Variants in VPS41 observed in about 807,000 individuals in gnomAD.
VPS41 encodes VPS41 subunit of HOPS complex, also known as vacuolar protein sorting-associated protein 41 homolog.
In VPS41, 85 loss-of-function variants were observed where a neutral mutation model predicts 130.9. The ratio of observed to expected loss-of-function variants is 0.65; its 90% confidence interval spans 0.55 to 0.78. The LOEUF (loss-of-function observed/expected upper bound fraction) is 0.78, where lower values mean the gene tolerates loss of function less well. VPS41 is among the 30% of genes least tolerant of loss of function. VPS41 has a pLI of 0.00. For missense variants in VPS41, 874 were observed against 1,018.7 expected, an observed-to-expected ratio of 0.86 and a Z score of 1.93; for synonymous variants, 335 against 332.9, an observed-to-expected ratio of 1.01 and a Z score of -0.07.
intron 4 of VPS41, among the ~76,000 whole-genome samples, chr7:38,853,997 T>C (rs1785924777): frequency 6.6e-6 from 1 of 152,210 alleles, no homozygotes; most frequent in Admixed American, 6.5e-5. Flanking sequence ...CTATAAATAC[T>C]TAACCCACAA....
chr7:38,763,308 C>T, intron 17 of VPS41, 147 bp downstream of exon 17: 1 of 471,712 alleles, frequency 2.1e-6, no homozygotes, highest in Non-Finnish European at 3.7e-6. Context: ...ATGAGTTATA[C>T]TGGAGTTTCT....
At position 38,756,969 on chromosome 7, in the gene VPS41, T is replaced by C; in HGVS notation, c.1564A>G (p.Lys522Glu). ...KTLAELYTYDKNYGNALEIYL... is the reference protein window; with the variant it reads ...KTLAELYTYDENYGNALEIYL... ...ATTTCCAGAGCATTGCCATAGTTCT[T>C]GTCATAGGTGTACCTGGTAATACAA... is the stretch of plus-strand genomic sequence containing the variant. Residue 522 changes from lysine (K) to glutamate (E), a missense_variant, in exon 19 of 29, where the codon AAG (lysine) becomes GAG (glutamate). By Grantham distance (56) the Lys-to-Glu change is moderately conservative. Coordinates refer to ENST00000310301, the MANE Select transcript of VPS41 (RefSeq NM_014396.4). The C allele has an allele frequency of 1.9e-6, 3 of 1,596,532 alleles. No individual in the cohort carries two copies. The highest frequency in any genetic ancestry group is 2.6e-6 in the Non-Finnish European group (3 of 1,166,096).
At chr7:38,854,225 C>A (rs1238157517) in intron 4 of VPS41, among the ~76,000 whole-genome samples, 1 of 152,164 alleles carries the variant, frequency 6.6e-6, no homozygotes, top group East Asian at 1.9e-4. Flanking sequence ...CAGGCACTGG[C>A]ACACTTGAGC....
intron 15 of VPS41, among the ~76,000 whole-genome samples, chr7:38,766,794 G>A (rs1784053857): frequency 2.0e-5 from 3 of 152,160 alleles, no homozygotes. Flanking sequence ...CTTCCTGCCT[G>A]CCTTGTGAAG....
intron 10 of VPS41, among the ~76,000 whole-genome samples, chr7:38,778,710 T>C (rs1784303886): frequency 6.6e-6 from 1 of 152,152 alleles, no homozygotes; most frequent in African/African-American, 2.4e-5. Flanking sequence ...GGCTTTGCTG[T>C]GCTTGTCTGC....
At position 38,745,571 on chromosome 7, in the gene VPS41, CTG is replaced by C; in HGVS notation, c.1967_1968del (p.Thr656SerfsTer9). 1 of 1,608,778 alleles carries C rather than the reference CTG, an allele frequency of 6.2e-7. No homozygotes were observed. Among genetic ancestry groups the C allele is most frequent in the South Asian group, 1.1e-5 (1 of 89,618 alleles). Reference protein sequence around the residue: ...ICQQRNFVEETVYLLSRMGNS... With the variant: ...ICQQRNFVEEXVYLLSRMGNS... The stretch of plus-strand genomic sequence containing the variant: ...AAAAGCTACTTACTCAGAAGATAAA[CTG>C]TCTCTTCTACAAAGTTTCTCTGTTG... On this transcript the variant is annotated frameshift_variant, in exon 23 of 29. Coordinates refer to ENST00000310301, the MANE Select transcript of VPS41 (RefSeq NM_014396.4). LOFTEE classifies it high-confidence loss of function.
intron 25 of VPS41, among the ~76,000 whole-genome samples, chr7:38,741,630 T>G (rs1470955879): frequency 1.3e-5 from 2 of 152,218 alleles, no homozygotes; most frequent in Admixed American, 1.3e-4. Context: ...TCCCTAAAAA[T>G]GTTGGGGTGG....
At chr7:38,860,739 GT>G (rs1786089191) in intron 4 of VPS41, among the ~76,000 whole-genome samples, 3 of 146,212 alleles carry the variant, frequency 2.1e-5, no homozygotes, top group Non-Finnish European at 4.5e-5. Context: ...GTGTGTGTGT[GT>G]GTGGACATAC....
intron 16 of VPS41, among the ~76,000 whole-genome samples, chr7:38,765,231 C>A (rs1394633995): frequency 6.6e-6 from 1 of 151,904 alleles, no homozygotes; most frequent in Non-Finnish European, 1.5e-5. Context: ...TTGAAAAATA[C>A]AATATTATTC....
At chr7:38,743,656 A>G in intron 23 of VPS41, 114 bp from the exon 24 acceptor site, 1 of 1,234,172 alleles carries the variant, frequency 8.1e-7, no homozygotes, top group Non-Finnish European at 1.1e-6. Context: ...AGACAAGGCT[A>G]TTTTCTCATG....
intron 3 of VPS41, among the ~76,000 whole-genome samples, chr7:38,867,721 G>A (rs1010706454): frequency 1.3e-5 from 2 of 152,054 alleles, no homozygotes; most frequent in Non-Finnish European, 2.9e-5. Flanking sequence ...AGGGCCTGAG[G>A]ACTAAAGAAA....
intron 4 of VPS41, among the ~76,000 whole-genome samples, chr7:38,855,224 A>G (rs1427551246): frequency 6.6e-6 from 1 of 151,724 alleles, no homozygotes; most frequent in Admixed American, 6.6e-5. Flanking sequence ...AAAAAAAAAA[A>G]AAAAAAGGTG....
chr7:38,821,330 T>C, intron 5 of VPS41, 65 bp from the exon 6 acceptor site: 1 of 1,087,444 alleles, frequency 9.2e-7, no homozygotes, highest in Non-Finnish European at 1.4e-6. Flanking sequence ...TGAGTCAGTA[T>C]GAACACATAC....
At chr7:38,832,587 A>G (rs1484779954) in intron 4 of VPS41, among the ~76,000 whole-genome samples, 1 of 151,976 alleles carries the variant, frequency 6.6e-6, no homozygotes, top group African/African-American at 2.4e-5. Context: ...GTATGTTCTG[A>G]TATCTAGTAA....
intron 9 of VPS41, among the ~76,000 whole-genome samples, chr7:38,793,938 A>C (rs1020613879): frequency 1.3e-5 from 2 of 152,164 alleles, no homozygotes; most frequent in African/African-American, 4.8e-5. Context: ...TAACTTAATC[A>C]TATCTTTTGC....
intron 7 of VPS41, among the ~76,000 whole-genome samples, chr7:38,799,513 C>T (rs563740835): frequency 2.0e-5 from 3 of 152,088 alleles, no homozygotes; most frequent in South Asian, 4.2e-4. Flanking sequence ...TGACATGTCG[C>T]TACACAACAA....
At chr7:38,824,113 T>C (rs1785225058) in intron 5 of VPS41, among the ~76,000 whole-genome samples, 1 of 152,220 alleles carries the variant, frequency 6.6e-6, no homozygotes, top group Non-Finnish European at 1.5e-5. Flanking sequence ...TACCTCAGTA[T>C]GAATACCTGC....
intron 3 of VPS41, among the ~76,000 whole-genome samples, chr7:38,868,591 G>A (rs1786278942): frequency 6.6e-6 from 1 of 152,088 alleles, no homozygotes; most frequent in Non-Finnish European, 1.5e-5. Context: ...ATAGGCTAAC[G>A]GTGCTATCTA....
At chr7:38,833,594 C>A (rs1785435246) in intron 4 of VPS41, among the ~76,000 whole-genome samples, 1 of 152,150 alleles carries the variant, frequency 6.6e-6, no homozygotes, top group Admixed American at 6.5e-5. Context: ...TGAGATCTGG[C>A]CAACCAATCT....
Sources: gnomAD v4.1 joint callset for allele counts (sites outside exome capture counted in the v4.1 genomes callset) on GRCh38, gnomAD v4.1.1 for gene constraint, MANE v1.5 for transcripts, NCBI Gene and HGNC (gene_info 2026-07-23, HGNC 2026-07-21) for gene names.